MACROD2: variants seen among roughly 807,000 people sequenced by gnomAD.
The protein encoded by MACROD2 is ADP-ribose glycohydrolase MACROD2.
In MACROD2, 36 loss-of-function variants were observed where a neutral mutation model predicts 70.4. The observed-to-expected ratio is 0.51, with a 90% CI of 0.39 to 0.68. MACROD2 has a LOEUF of 0.68. Among genes scored for constraint, MACROD2 ranks in the 30% least tolerant of loss-of-function variants. The probability of loss-of-function intolerance (pLI) is 0.00; values close to 1 mark genes in which losing one functional copy is unlikely to be tolerated. For synonymous variants in MACROD2, 172 were observed against 178.8 expected (o/e 0.96, Z 0.30); for missense variants, 496 against 538.4 (o/e 0.92, Z 0.78).
rs116087700 is a variant in MACROD2, at chr20:15,406,943, C to T, written c.541-24462C>T. The stretch of plus-strand genomic sequence containing the variant: ...CAGAAGCATGGTTGGCACAAAGACC[C>T]TTGGAGAAAGATTGAGCAAGGCTGT... On this transcript the variant is annotated intron_variant, in intron 6 of 17. Transcript: ENST00000684519. Among the ~76,000 whole-genome samples, 1,189 of 152,246 alleles carry T rather than the reference C, an allele frequency of 7.8e-3. 10 individuals carry two copies. The highest frequency in any genetic ancestry group is 0.031 in the Middle Eastern group (9 of 294).
At chr20:14,290,296 A>T (rs6079383) in intron 3 of MACROD2, among the ~76,000 whole-genome samples, 134,510 of 152,170 alleles carry the variant, frequency 0.88, 59,694 homozygotes, top group Non-Finnish European at 0.92. Flanking sequence ...TAAAAGATAG[A>T]TACATAGTAT....
intron 8 of MACROD2, among the ~76,000 whole-genome samples, chr20:15,860,922 G>A (rs1156590816): frequency 6.6e-6 from 1 of 152,192 alleles, no homozygotes; most frequent in Non-Finnish European, 1.5e-5. Context: ...AAGGGCTTTT[G>A]TAGAGTTGAC....
chr20:14,188,133 T>G (rs1471025413), intron 3 of MACROD2, among the ~76,000 whole-genome samples: 1 of 152,168 alleles, frequency 6.6e-6, no homozygotes, highest in Non-Finnish European at 1.5e-5. Context: ...GTTTCTCAAA[T>G]TGTGGTCCAC....
chr20:15,469,372 G>C (rs1005657885), intron 7 of MACROD2, among the ~76,000 whole-genome samples: 2 of 152,190 alleles, frequency 1.3e-5, no homozygotes, highest in Admixed American at 1.3e-4. Flanking sequence ...GGAACAAACA[G>C]GGTACACATG....
At chr20:14,385,079 G>C (rs74657792) in intron 3 of MACROD2, among the ~76,000 whole-genome samples, 1 of 151,962 alleles carries the variant, frequency 6.6e-6, no homozygotes, top group Non-Finnish European at 1.5e-5. Context: ...ATCAAATTGG[G>C]GACAAGTTAC....
At chr20:15,970,252 A>G (rs2066209886) in intron 13 of MACROD2, among the ~76,000 whole-genome samples, 1 of 152,160 alleles carries the variant, frequency 6.6e-6, no homozygotes, top group Non-Finnish European at 1.5e-5. Context: ...TAGAAGGCCA[A>G]AGATAAAGGA....
chr20:15,175,511 A>C (rs537140291), intron 5 of MACROD2, among the ~76,000 whole-genome samples: 2 of 152,270 alleles, frequency 1.3e-5, no homozygotes, highest in East Asian at 3.9e-4. Context: ...TCATTTTACC[A>C]CCCAGGTTTC....
intron 8 of MACROD2, among the ~76,000 whole-genome samples, chr20:15,799,261 C>T (rs949192534): frequency 1.3e-5 from 2 of 152,136 alleles, no homozygotes; most frequent in African/African-American, 4.8e-5. Context: ...TGTAATATCC[C>T]TCACCTCAAG....
At chr20:15,940,668 T>C (rs1311159604) in intron 12 of MACROD2, among the ~76,000 whole-genome samples, 4 of 152,220 alleles carry the variant, frequency 2.6e-5, no homozygotes, top group Non-Finnish European at 5.9e-5. Flanking sequence ...ATGATTAGCA[T>C]ATTTTAGTGA....
chr20:14,568,030 C>T (rs6110333), intron 4 of MACROD2, among the ~76,000 whole-genome samples: 6,395 of 152,108 alleles, frequency 0.042, 184 homozygotes, highest in African/African-American at 0.071. Context: ...GTTTAGAAAA[C>T]ACTGTCATAA....
At chr20:15,616,553 G>A (rs552526868) in intron 8 of MACROD2, among the ~76,000 whole-genome samples, 1 of 152,210 alleles carries the variant, frequency 6.6e-6, no homozygotes, top group African/African-American at 2.4e-5. Flanking sequence ...ACCTCAGCAG[G>A]CCTGTTACTC....
chr20:14,169,496 G>C (rs2081200592), intron 3 of MACROD2, among the ~76,000 whole-genome samples: 2 of 151,582 alleles, frequency 1.3e-5, no homozygotes, highest in African/African-American at 4.8e-5. Context: ...TAGAGATGGG[G>C]TTTCTCCATG....
Position 16,044,598 on chromosome 20 carries a change from T to C in MACROD2, c.1259T>C (p.Val420Ala). 6.2e-7 allele frequency: 1 copy of C among 1,612,636 alleles called. No homozygotes were observed. Among genetic ancestry groups the C allele is most frequent in the Non-Finnish European group, 8.5e-7 (1 of 1,179,326 alleles). Reference protein sequence around the residue: ...DVEMNSQVDKVNDPTESQQED... With the variant: ...DVEMNSQVDKANDPTESQQED... ...GAAATGAATAGTCAGGTTGACAAGG[T>C]AAATGACCCAACAGAGAGTCAACAA... The change falls in exon 17 of 18, where the codon GTA (valine) becomes GCA (alanine). Residue 420 changes from valine to alanine, a missense_variant. Transcript: ENST00000684519.
rs146342689 is a variant in MACROD2, at chr20:15,155,784, G to A, written c.419-74156G>A. 9.8e-4 allele frequency among the ~76,000 whole-genome samples: 149 copies of A among 152,108 alleles called. 1 individual carries two copies. The highest frequency in any genetic ancestry group is 1.2e-3 in the Non-Finnish European group (80 of 67,994). On this transcript the variant is annotated intron_variant, in intron 5 of 17. Transcript: ENST00000684519. ...AATAAATGACAAAAAAGAGACATAG[G>A]TGGTGATCTTCCTTAGAACTATAAT...
chr20:14,026,288 CTT>C (rs773861880), intron 2 of MACROD2, among the ~76,000 whole-genome samples: 7 of 152,188 alleles, frequency 4.6e-5, no homozygotes, highest in Non-Finnish European at 7.3e-5. Context: ...AGTCTTGACT[CTT>C]TATCCAATTT....
chr20:15,016,630 A>G (rs2075123788), intron 5 of MACROD2, among the ~76,000 whole-genome samples: 1 of 151,850 alleles, frequency 6.6e-6, no homozygotes, highest in Non-Finnish European at 1.5e-5. Context: ...CTCTCTTGCC[A>G]TGTGTATTAG....
chr20:15,429,042 T>C (rs528573792), intron 6 of MACROD2, among the ~76,000 whole-genome samples: 2 of 152,274 alleles, frequency 1.3e-5, no homozygotes, highest in African/African-American at 2.4e-5. Flanking sequence ...GGCACAAATA[T>C]GGGGATGAAT....
chr20:15,886,465 A>G (rs1240074779), intron 10 of MACROD2, among the ~76,000 whole-genome samples: 5 of 152,164 alleles, frequency 3.3e-5, no homozygotes, highest in Non-Finnish European at 5.9e-5. Context: ...AAAATTCAAG[A>G]GGAAATGAAA....
intron 4 of MACROD2, among the ~76,000 whole-genome samples, chr20:14,589,021 T>A (rs900530019): frequency 2.6e-5 from 4 of 152,178 alleles, no homozygotes; most frequent in Non-Finnish European, 5.9e-5. Flanking sequence ...AGTCACATTA[T>A]CTCAGAAAAA....
Sources: gnomAD v4.1 joint callset for allele counts (sites outside exome capture counted in the v4.1 genomes callset) on GRCh38, gnomAD v4.1.1 for gene constraint, MANE v1.5 for transcripts, NCBI Gene and HGNC (gene_info 2026-07-23, HGNC 2026-07-21) for gene names.